Variants in SLC4A4 observed in about 807,000 individuals in gnomAD.
The protein encoded by SLC4A4 is electrogenic sodium bicarbonate cotransporter 1.
Under a neutral mutation model 111.5 loss-of-function variants are expected in SLC4A4, and 27 were observed. That is an observed-to-expected ratio of 0.24 (90% CI 0.18 to 0.33). The LOEUF (loss-of-function observed/expected upper bound fraction) is 0.33, where lower values mean the gene tolerates loss of function less well. Ranked by LOEUF, SLC4A4 falls within the 10% of genes least tolerant of loss-of-function variation. The pLI is 1.00. For synonymous variants in SLC4A4, 443 were observed against 463.4 expected (o/e 0.96, Z 0.57); for missense variants, 909 against 1,315.5 (o/e 0.69, Z 4.78).
rs1315903812 is a variant in SLC4A4 at position 71,070,024 on chromosome 4, G to GTA, written c.-65+7236_-65+7237insTA. ...AAGTCTGTCTTTGGATTAGGCTACA[G>GTA]GTCAAAGAATCAGAAGATTTTCTCA... is the stretch of plus-strand genomic sequence containing the variant. On this transcript the variant is annotated intron_variant, in intron 1 of 26. Coordinates refer to the SLC4A4 transcript ENST00000649996. 2.3e-3 allele frequency among the ~76,000 whole-genome samples: 357 copies of GTA among 152,260 alleles called. 3 individuals carry two copies. Among genetic ancestry groups the GTA allele is most frequent in the African/African-American group, 8.3e-3 (345 of 41,564 alleles).
chr4:71,160,881 TA>T (rs1211440926), intron 2 of SLC4A4, among the ~76,000 whole-genome samples: 3 of 152,192 alleles, frequency 2.0e-5, no homozygotes, highest in Admixed American at 6.6e-5. Context: ...GACTAGATTA[TA>T]AAAATGAGGC....
At chr4:71,162,238 A>T (rs1206498476) in intron 2 of SLC4A4, among the ~76,000 whole-genome samples, 3 of 152,150 alleles carry the variant, frequency 2.0e-5, no homozygotes, top group Non-Finnish European at 4.4e-5. Context: ...CACTCCCACC[A>T]CCGGCATCAA....
intron 1 of SLC4A4, among the ~76,000 whole-genome samples, chr4:71,077,371 G>T (rs1741862731): frequency 6.6e-6 from 1 of 152,066 alleles, no homozygotes; most frequent in Non-Finnish European, 1.5e-5. Context: ...ATGTTGGCCA[G>T]GCTGGTCTCG....
In SLC4A4 at chr4:71,451,285, T is replaced by C; in HGVS notation, c.1306T>C (p.Leu436=). Residue 436 remains leucine (L), a synonymous_variant, in exon 11 of 26, where the codon TTG becomes CTG. Transcript: ENST00000264485. ...AGGAGGACATGGGGATTGTGAAGAA[T>C]TGCAGCGAACTGGACGGTAACTGAC... ...GGGGHGDCEE[L]QRTGRFCGGL... The C allele has an allele frequency of 6.2e-7, 1 of 1,610,456 alleles. No homozygotes were observed. Among genetic ancestry groups the C allele is most frequent in the Non-Finnish European group, 8.5e-7 (1 of 1,176,720 alleles).
chr4:71,142,870 A>C (rs938254593), intron 2 of SLC4A4, among the ~76,000 whole-genome samples: 36 of 151,088 alleles, frequency 2.4e-4, no homozygotes, highest in African/African-American at 8.3e-4. Context: ...AACTGGCCCC[A>C]AAAATTCCTC....
chr4:71,313,994 G>A (rs1454250231), intron 3 of SLC4A4, among the ~76,000 whole-genome samples: 1 of 152,056 alleles, frequency 6.6e-6, no homozygotes, highest in African/African-American at 2.4e-5. Context: ...CCTACAGAAT[G>A]GGAGAAAATT....
chr4:71,294,661 T>C (rs2039280378), intron 3 of SLC4A4, among the ~76,000 whole-genome samples: 1 of 152,178 alleles, frequency 6.6e-6, no homozygotes, highest in African/African-American at 2.4e-5. Flanking sequence ...TTGCCATCAA[T>C]TACAGAAGAC....
At chr4:71,228,539 A>G (rs1719192970) in intron 1 of SLC4A4, among the ~76,000 whole-genome samples, 1 of 152,212 alleles carries the variant, frequency 6.6e-6, no homozygotes, top group African/African-American at 2.4e-5. Context: ...TTTAAAAGAC[A>G]CTGAAGTGAG....
chr4:71,546,303 C>A, intron 18 of SLC4A4, 47 bp from the exon 19 acceptor site: 2 of 1,501,262 alleles, frequency 1.3e-6, no homozygotes, highest in Middle Eastern at 3.5e-4. Flanking sequence ...GACTAGATAG[C>A]GAATATGAGT....
At chr4:71,233,992 T>C (rs181953449) in intron 1 of SLC4A4, among the ~76,000 whole-genome samples, 87 of 152,354 alleles carry the variant, frequency 5.7e-4, no homozygotes, top group African/African-American at 2.0e-3. Context: ...CCTGTCCAGC[T>C]GTACTAACTT....
chr4:71,233,953 A>G (rs1035408928), intron 1 of SLC4A4, among the ~76,000 whole-genome samples: 3 of 152,182 alleles, frequency 2.0e-5, no homozygotes, highest in Middle Eastern at 3.2e-3. Flanking sequence ...GGCCCAATCA[A>G]TATCATCTCC....
At chr4:71,488,221 ACACT>A (rs765782280) in intron 15 of SLC4A4, among the ~76,000 whole-genome samples, 1 of 151,256 alleles carries the variant, frequency 6.6e-6, no homozygotes. Context: ...TATTAGTGAA[ACACT>A]CACTTCCACT....
At chr4:71,409,611 A>C (rs1721179686) in intron 7 of SLC4A4, among the ~76,000 whole-genome samples, 1 of 152,250 alleles carries the variant, frequency 6.6e-6, no homozygotes, top group Admixed American at 6.5e-5. Context: ...GAAACAGAGC[A>C]TAAAAGTTCC....
At chr4:71,428,944 C>T (rs1253248212) in intron 7 of SLC4A4, among the ~76,000 whole-genome samples, 9 of 152,090 alleles carry the variant, frequency 5.9e-5, no homozygotes, top group African/African-American at 1.7e-4. Context: ...GGATAACATT[C>T]TAGTAAATTA....
intron 6 of SLC4A4, among the ~76,000 whole-genome samples, chr4:71,383,039 G>T (rs1718307195): frequency 6.6e-6 from 1 of 152,064 alleles, no homozygotes; most frequent in Non-Finnish European, 1.5e-5. Flanking sequence ...GTATAACTAG[G>T]CCCAGTGAAG....
intron 1 of SLC4A4, among the ~76,000 whole-genome samples, chr4:71,228,717 T>C (rs578039016): frequency 3.3e-5 from 5 of 152,196 alleles, no homozygotes; most frequent in Non-Finnish European, 7.4e-5. Context: ...ATGAGCTTTT[T>C]TAAATTGAAA....
chr4:71,140,339 T>A (rs1416760301), intron 2 of SLC4A4, among the ~76,000 whole-genome samples: 1 of 152,132 alleles, frequency 6.6e-6, no homozygotes, highest in Non-Finnish European at 1.5e-5. Context: ...GAGGATTGAT[T>A]GAGTCCAGGA....
At chr4:71,539,894 G>A (rs780685977) in intron 18 of SLC4A4, among the ~76,000 whole-genome samples, 1 of 152,112 alleles carries the variant, frequency 6.6e-6, no homozygotes, top group Non-Finnish European at 1.5e-5. Context: ...TTGTTACACT[G>A]TGTGAAATGG....
intron 7 of SLC4A4, among the ~76,000 whole-genome samples, chr4:71,403,260 T>TC (rs1560476545): frequency 6.6e-6 from 1 of 152,172 alleles, no homozygotes; most frequent in African/African-American, 2.4e-5. Context: ...AAATTTGAAC[T>TC]CCTAAAACAC....
Sources: allele counts gnomAD v4.1 joint callset (sites outside exome capture counted in the v4.1 genomes callset), GRCh38; gene constraint gnomAD v4.1.1; transcripts MANE v1.5; gene names NCBI Gene and HGNC (gene_info 2026-07-23, HGNC 2026-07-21).